Variants in GNAL observed in about 807,000 individuals in gnomAD.
The protein encoded by GNAL is guanine nucleotide-binding protein G(olf) subunit alpha.
Under a neutral mutation model 55.1 loss-of-function variants are expected in GNAL, and 18 were observed. That is an observed-to-expected ratio of 0.33 (90% CI 0.23 to 0.48). The LOEUF (loss-of-function observed/expected upper bound fraction) is 0.48, where lower values mean the gene tolerates loss of function less well. Ranked by LOEUF, GNAL falls within the 20% of genes least tolerant of loss-of-function variation. The probability of loss-of-function intolerance (pLI) is 0.99; values close to 1 mark genes in which losing one functional copy is unlikely to be tolerated. For synonymous variants in GNAL, 253 were observed against 237.0 expected (o/e 1.07, Z -0.62); for missense variants, 412 against 614.1 (o/e 0.67, Z 3.48).
chr18:11,867,073 G>A (rs1160503486), intron 7 of GNAL, 95 bp from the exon 8 acceptor site: 3 of 933,832 alleles, frequency 3.2e-6, no homozygotes, highest in East Asian at 2.5e-5. Flanking sequence ...ATGTGTGAAC[G>A]CTGGAACCTG....
chr18:11,819,979 TG>T (rs1198924984), intron 4 of GNAL, among the ~76,000 whole-genome samples: 1 of 151,918 alleles, frequency 6.6e-6, no homozygotes, highest in Non-Finnish European at 1.5e-5. Flanking sequence ...AAGTTAGAGT[TG>T]GGAGCTTATA....
At chr18:11,744,159 A>G (rs753912205) in intron 1 of GNAL, among the ~76,000 whole-genome samples, 2 of 152,202 alleles carry the variant, frequency 1.3e-5, no homozygotes, top group African/African-American at 2.4e-5. Context: ...AGTCAGAGAC[A>G]TGTAACCTAC....
Position 11,751,537 on chromosome 18 carries a change from C to G in GNAL, c.377-1316C>G. 1.0e-6 allele frequency: 1 copy of G among 985,496 alleles called. No individual in the cohort carries two copies. Among genetic ancestry groups the G allele is most frequent in the Non-Finnish European group, 1.2e-6 (1 of 829,962 alleles). 61.0% of individuals were successfully genotyped at this position (985,496 alleles called of 1,614,324 possible). The stretch of plus-strand genomic sequence containing the variant: ...AGCCTCGGAGGGATCCTCCTCCCTG[C>G]TAGAATATGCATGATCCTCCGCGAG... On this transcript the variant is annotated intron_variant, in intron 1 of 11. Transcript: ENST00000334049. The surrounding 1 kb of genome is among the most constrained non-coding windows in gnomAD (Gnocchi z 4.5).
chr18:11,739,041 G>A (rs369000176), intron 1 of GNAL, among the ~76,000 whole-genome samples: 7 of 152,264 alleles, frequency 4.6e-5, no homozygotes, highest in Admixed American at 6.5e-5. Context: ...GATGGTGTCC[G>A]CTGCCCACTG....
chr18:11,832,631 G>A (rs1568048085), intron 5 of GNAL, among the ~76,000 whole-genome samples: 1 of 152,168 alleles, frequency 6.6e-6, no homozygotes, highest in African/African-American at 2.4e-5. Context: ...GCCGAGGTGG[G>A]CTAATCACCT....
At chr18:11,734,147 T>C (rs1433405219) in intron 1 of GNAL, among the ~76,000 whole-genome samples, 3 of 148,178 alleles carry the variant, frequency 2.0e-5, no homozygotes, top group Non-Finnish European at 4.4e-5. Context: ...TTTTTCTTTT[T>C]CTTTTTTTTT....
intron 4 of GNAL, among the ~76,000 whole-genome samples, chr18:11,785,848 T>C (rs368696229): frequency 6.6e-6 from 1 of 152,308 alleles, no homozygotes; most frequent in Admixed American, 6.5e-5. Flanking sequence ...TGAGCTGTTA[T>C]TGAAGGTCTT....
intron 1 of GNAL, among the ~76,000 whole-genome samples, chr18:11,718,705 GT>G (rs2032028533): frequency 6.6e-6 from 1 of 152,148 alleles, no homozygotes; most frequent in Admixed American, 6.5e-5. Flanking sequence ...TGTTCTCAGT[GT>G]TTCTCTGAGC....
chr18:11,781,551 G>A (rs992262937), intron 4 of GNAL, among the ~76,000 whole-genome samples: 1 of 152,210 alleles, frequency 6.6e-6, no homozygotes, highest in African/African-American at 2.4e-5. Flanking sequence ...AAGAGCAGTT[G>A]TAGACATTTC....
At chr18:11,747,943 G>A (rs983006982) in intron 1 of GNAL, among the ~76,000 whole-genome samples, 2 of 152,096 alleles carry the variant, frequency 1.3e-5, no homozygotes, top group South Asian at 2.1e-4. Context: ...CTGCTGCTGC[G>A]GTTGCCTAGC....
intron 4 of GNAL, among the ~76,000 whole-genome samples, chr18:11,768,141 G>A (rs543836190): frequency 1.8e-4 from 28 of 152,316 alleles, no homozygotes; most frequent in Non-Finnish European, 3.7e-4. Context: ...ACTGAGGACA[G>A]GAACTTGACA....
At position 11,752,481 on chromosome 18, in the gene GNAL, C is replaced by T; in HGVS notation, c.377-372C>T. ...GCAAGACGACGGAAGACCAGGGCGT[C>T]GATGAAAAAGAACGACGCGAGGCCA... On this transcript the variant is annotated intron_variant, in intron 1 of 11. Transcript: ENST00000334049. The surrounding 1 kb of genome is among the most constrained non-coding windows in gnomAD (Gnocchi z 4.5). 6.2e-7 allele frequency: 1 copy of T among 1,612,028 alleles called. No homozygotes were observed. Among genetic ancestry groups the T allele is most frequent in the Non-Finnish European group, 8.5e-7 (1 of 1,179,194 alleles).
At chr18:11,825,999 ACT>A (rs1459540241) in intron 5 of GNAL, among the ~76,000 whole-genome samples, 1 of 152,196 alleles carries the variant, frequency 6.6e-6, no homozygotes, top group East Asian at 1.9e-4. Context: ...AAATCTCTAA[ACT>A]CTAAAAATTC....
chr18:11,829,609 A>T (rs751457835), intron 5 of GNAL, among the ~76,000 whole-genome samples: 15 of 152,320 alleles, frequency 9.8e-5, no homozygotes, highest in Admixed American at 4.6e-4. Context: ...TCCTCAGACC[A>T]CGAGACTCGT....
chr18:11,868,734 C>T lies in GNAL; in HGVS notation c.1031+71C>T. ...TCTTTTGTTAAAAATACGCTCAGGC[C>T]AGGCGTTGTGGCTCACACCTGTAAT... On this transcript the variant is annotated intron_variant, in intron 9 of 11. Coordinates refer to ENST00000334049, the MANE Select transcript of GNAL (RefSeq NM_182978.4). This position sits in a 1 kb window ranked among gnomAD's most constrained non-coding sequence, Gnocchi z 4.0. 1 of 1,354,252 alleles carries T rather than the reference C, an allele frequency of 7.4e-7. No individual in the cohort carries two copies. The highest frequency in any genetic ancestry group is 1.0e-6 in the Non-Finnish European group (1 of 973,760). 83.9% of individuals were successfully genotyped at this position (1,354,252 alleles called of 1,614,324 possible).
At chr18:11,862,535 T>A in intron 6 of GNAL, 86 bp downstream of exon 6, 1 of 1,172,032 alleles carries the variant, frequency 8.5e-7, no homozygotes, top group Non-Finnish European at 1.3e-6. Flanking sequence ...CAGAATGAAT[T>A]AAGGAAAAAT....
intron 4 of GNAL, among the ~76,000 whole-genome samples, chr18:11,757,732 C>G (rs911203748): frequency 6.6e-6 from 1 of 152,056 alleles, no homozygotes; most frequent in Admixed American, 6.5e-5. Flanking sequence ...ATTACGACAT[C>G]TAAGTGGAGA....
At position 11,851,538 on chromosome 18, in the gene GNAL, C is replaced by G. The variant is rs755446778; in HGVS notation, c.723-10857C>G. On this transcript the variant is annotated intron_variant, in intron 5 of 11. Transcript: ENST00000334049. ...TGTCTAACATGGAGAAACACCTGTTCAACCTGAAGTTCGCGGCCAAAGAAC... is the reference window on the plus strand; with the variant it reads ...TGTCTAACATGGAGAAACACCTGTTGAACCTGAAGTTCGCGGCCAAAGAAC... The G allele has an allele frequency of 2.5e-6, 4 of 1,603,864 alleles. No individual in the cohort carries two copies. The East Asian group carries it at 9.0e-5, about 36-fold the overall frequency.
At chr18:11,711,271 C>T (rs1022630302) in intron 1 of GNAL, among the ~76,000 whole-genome samples, 2 of 152,128 alleles carry the variant, frequency 1.3e-5, no homozygotes, top group African/African-American at 4.8e-5. Flanking sequence ...GATGTTTTGA[C>T]CATTATTTCT....
Sources: gnomAD v4.1 joint callset for allele counts (sites outside exome capture counted in the v4.1 genomes callset) on GRCh38, gnomAD v4.1.1 for gene constraint, Gnocchi (gnomAD v3.1) non-coding constraint, MANE v1.5 for transcripts, NCBI Gene and HGNC (gene_info 2026-07-23, HGNC 2026-07-21) for gene names.